The following CD4 variants were observed in gnomAD, a reference collection of about 807,000 sequenced individuals.
CD4 encodes T-cell surface glycoprotein CD4.
In CD4, 25 loss-of-function variants were observed where a neutral mutation model predicts 50.5. The observed-to-expected ratio is 0.49, with a 90% confidence interval of 0.36 to 0.69. The LOEUF is 0.69. Among genes scored for constraint, CD4 ranks in the 30% least tolerant of loss-of-function variants. The probability of loss-of-function intolerance (pLI) is 0.00; values close to 1 mark genes in which losing one functional copy is unlikely to be tolerated. For synonymous variants in CD4, 207 were observed against 221.9 expected (o/e 0.93, Z 0.60); for missense variants, 456 against 548.5 (o/e 0.83, Z 1.68).
chr12:6,794,347 G>A (rs190428839), intron 1 of CD4, among the ~76,000 whole-genome samples: 8 of 150,270 alleles, frequency 5.3e-5, no homozygotes, highest in Middle Eastern at 3.4e-3. Context: ...GATTACAGGC[G>A]TGAGCCACCG....
Position 6,818,859 on chromosome 12 carries a change from C to G in CD4, c.1291C>G (p.Arg431Gly), listed in dbSNP as rs781912242. 1 of 1,612,348 alleles carries G rather than the reference C, an allele frequency of 6.2e-7. No homozygotes were observed. The highest frequency in any genetic ancestry group is 1.1e-5 in the South Asian group (1 of 91,050). ...TGTCCCTGGACAGCGCCAAGCAGAG[C>G]GGATGTCTCAGATCAAGAGACTCCT... ...RCRHRRRQAE[R>G]MSQIKRLLSE... Residue 431 changes from arginine to glycine, a missense_variant, in exon 9 of 10, where the codon CGG (arginine) becomes GGG (glycine). Physicochemically the swap from Arg to Gly is moderately radical, Grantham distance 125 (BLOSUM62 -2). Transcript: ENST00000011653. This position sits in a 1 kb window ranked among gnomAD's most constrained non-coding sequence, Gnocchi z 5.0.
At chr12:6,793,672 CT>C (rs1258225353) in intron 1 of CD4, among the ~76,000 whole-genome samples, 6 of 93,328 alleles carry the variant, frequency 6.4e-5, no homozygotes, top group Admixed American at 2.1e-4. Context: ...ATCTATCTAT[CT>C]ATCTATCTAT....
Position 6,819,705 on chromosome 12 carries a change from A to C in CD4, c.*376A>C. ...GCATGGAGCATGGGACTGTTCTTTT[A>C]CAAGACAGGACCCTGGGACCACAGA... On this transcript the variant is annotated 3_prime_UTR_variant, in exon 10 of 10. Coordinates refer to ENST00000011653, the MANE Select transcript of CD4 (RefSeq NM_000616.5). 4.3e-6 allele frequency: 1 copy of C among 233,528 alleles called. No homozygotes were observed. The highest frequency in any genetic ancestry group is 8.4e-6 in the Non-Finnish European group (1 of 119,266). 14.5% of individuals were successfully genotyped at this position (233,528 alleles called of 1,614,324 possible).
At chr12:6,814,002 C>A in intron 3 of CD4, 140 bp from the exon 4 acceptor site, 2 of 716,862 alleles carry the variant, frequency 2.8e-6, no homozygotes, top group Non-Finnish European at 4.7e-6. Context: ...CTTGCCAGAC[C>A]GGGTTTCTCT....
At position 6,800,364 on chromosome 12, in the gene CD4, C is replaced by T; in HGVS notation, c.107C>T (p.Thr36Ile). Residue 36 changes from threonine (T) to isoleucine (I), a missense_variant, in exon 3 of 10, where the codon ACA becomes ATA. By Grantham distance (89) the Thr-to-Ile change is moderately conservative (BLOSUM62 -1). Coordinates refer to ENST00000011653, the MANE Select transcript of CD4 (RefSeq NM_000616.5). ...KKVVLGKKGD[T>I]VELTCTASQK... Reference sequence around the variant, plus strand: ...GTGGTGCTGGGCAAAAAAGGGGATACAGTGGAACTGACCTGTACAGCTTCC... The same window carrying T: ...GTGGTGCTGGGCAAAAAAGGGGATATAGTGGAACTGACCTGTACAGCTTCC... The T allele has an allele frequency of 6.2e-7, 1 of 1,614,066 alleles. No individual in the cohort carries two copies. The highest frequency in any genetic ancestry group is 8.5e-7 in the Non-Finnish European group (1 of 1,179,970).
chr12:6,809,812 T>C (rs1942882259), intron 3 of CD4, among the ~76,000 whole-genome samples: 1 of 151,922 alleles, frequency 6.6e-6, no homozygotes, highest in Non-Finnish European at 1.5e-5. Context: ...ACAGCTTGCC[T>C]GTGCTGCCTC....
intron 3 of CD4, among the ~76,000 whole-genome samples, chr12:6,811,671 C>CTT (rs199784991): frequency 1.5e-3 from 208 of 137,328 alleles, no homozygotes; most frequent in African/African-American, 4.5e-3. Flanking sequence ...TTTTTTTTTT[C>CTT]TTTTTTTTTT....
At chr12:6,819,219 G>C in intron 9 of CD4, 80 bp from the exon 10 acceptor site, 1 of 1,415,064 alleles carries the variant, frequency 7.1e-7, no homozygotes, top group South Asian at 1.1e-5. Context: ...GTGCTGCGCT[G>C]GAAAGGCCAT....
In CD4 at chr12:6,814,910, G is replaced by T. The variant is rs1555117656; in HGVS notation, c.525G>T (p.Glu175Asp). Residue 175 changes from glutamate (E) to aspartate (D), a missense_variant, in exon 5 of 10, where the codon GAG becomes GAT. Coordinates refer to ENST00000011653, the MANE Select transcript of CD4 (RefSeq NM_000616.5). The stretch of plus-strand genomic sequence containing the variant: ...AGACCCTCTCCGTGTCTCAGCTGGA[G>T]CTCCAGGATAGTGGCACCTGGACAT... ...GGKTLSVSQL[E>D]LQDSGTWTCT... The T allele has an allele frequency of 6.2e-7, 1 of 1,613,506 alleles. No homozygotes were observed. Among genetic ancestry groups the T allele is most frequent in the Non-Finnish European group, 8.5e-7 (1 of 1,179,708 alleles).
At chr12:6,798,136 T>C (rs1942426492) in intron 1 of CD4, among the ~76,000 whole-genome samples, 1 of 151,890 alleles carries the variant, frequency 6.6e-6, no homozygotes. Context: ...AGAATGGTGA[T>C]GACTTTCACC....
rs1943182472 is a variant in CD4, at chr12:6,818,768, C to T, written c.1279-79C>T. The T allele has an allele frequency of 3.7e-6, 5 of 1,344,702 alleles. No individual in the cohort carries two copies. The highest frequency in any genetic ancestry group is 1.7e-5 in the Admixed American group (1 of 59,412). 83.3% of individuals were successfully genotyped at this position (1,344,702 alleles called of 1,614,324 possible). On this transcript the variant is annotated intron_variant, in intron 8 of 9. Transcript: ENST00000011653. The surrounding 1 kb of genome is among the most constrained non-coding windows in gnomAD (Gnocchi z 5.0). Reference sequence around the variant, plus strand: ...GTAACTGCTTCTCCTGTCGCAGCTTCCCCCACTCCCCCCACCAAGGGGCAC... The same window carrying T: ...GTAACTGCTTCTCCTGTCGCAGCTTTCCCCACTCCCCCCACCAAGGGGCAC...
chr12:6,790,567 G>A (rs1392133965), intron 1 of CD4, among the ~76,000 whole-genome samples: 1 of 152,216 alleles, frequency 6.6e-6, no homozygotes, highest in Non-Finnish European at 1.5e-5. Flanking sequence ...CATGAGGCCG[G>A]GAGAGTTACA....
Position 6,817,824 on chromosome 12 carries a change from C to T in CD4, c.1156+494C>T, listed in dbSNP as rs149411559. Among the ~76,000 whole-genome samples, 809 of 151,314 alleles carry T rather than the reference C, an allele frequency of 5.3e-3. 7 individuals are homozygous for T. The highest frequency in any genetic ancestry group is 0.019 in the African/African-American group (769 of 40,926). Reference sequence around the variant, plus strand: ...CCATGTACTCACACCCATGCACTCACACACTGTCACACACTCATACACACA... The same window carrying T: ...CCATGTACTCACACCCATGCACTCATACACTGTCACACACTCATACACACA... On this transcript the variant is annotated intron_variant, in intron 7 of 9. Coordinates refer to ENST00000011653, the MANE Select transcript of CD4 (RefSeq NM_000616.5).
intron 1 of CD4, among the ~76,000 whole-genome samples, chr12:6,798,123 C>T (rs10774448): frequency 0.16 from 24,809 of 151,540 alleles, 2,300 homozygotes; most frequent in East Asian, 0.35. Context: ...TAATAGAGAA[C>T]GGAGAATGGT....
At chr12:6,794,104 ACT>A (rs1942289423) in intron 1 of CD4, among the ~76,000 whole-genome samples, 1 of 147,832 alleles carries the variant, frequency 6.8e-6, no homozygotes, top group Non-Finnish European at 1.5e-5. Flanking sequence ...AGACAGAGTC[ACT>A]CTGTCACCCA....
chr12:6,801,959 T>C (rs1417961219), intron 3 of CD4, among the ~76,000 whole-genome samples: 3 of 144,408 alleles, frequency 2.1e-5, no homozygotes, highest in Admixed American at 6.9e-5. Flanking sequence ...CTGCAAGCTC[T>C]GCCTCCCAGG....
intron 1 of CD4, among the ~76,000 whole-genome samples, chr12:6,795,658 A>G (rs1942354076): frequency 6.6e-6 from 1 of 152,286 alleles, no homozygotes; most frequent in African/African-American, 2.4e-5. Flanking sequence ...TGGAACCCAG[A>G]GAGTGCTTGC....
rs985200327 is a variant in CD4, at chr12:6,818,352, C to A, written c.1157-69C>A. ...ACCAGAGACTGGCCAGGAGGGATTG[C>A]AGGGCAGTCCTCAGTCCCCTGGCCC... On this transcript the variant is annotated intron_variant, in intron 7 of 9. Transcript: ENST00000011653. This position sits in a 1 kb window ranked among gnomAD's most constrained non-coding sequence, Gnocchi z 5.0. 3 of 1,587,062 alleles carry A rather than the reference C, an allele frequency of 1.9e-6. No individual in the cohort carries two copies. Among genetic ancestry groups the A allele is most frequent in the South Asian group, 1.1e-5 (1 of 89,948 alleles).
chr12:6,807,733 C>A (rs1555116398), intron 3 of CD4, among the ~76,000 whole-genome samples: 1 of 152,172 alleles, frequency 6.6e-6, no homozygotes, highest in African/African-American at 2.4e-5. Flanking sequence ...CATAGGATTT[C>A]TCTGTATTAC....
Sources: allele counts gnomAD v4.1 joint callset (sites outside exome capture counted in the v4.1 genomes callset), GRCh38; gene constraint gnomAD v4.1.1; non-coding constraint Gnocchi (gnomAD v3.1); transcripts MANE v1.5; gene names NCBI Gene and HGNC (gene_info 2026-07-23, HGNC 2026-07-21).